CHRDL1: variants seen among roughly 807,000 people sequenced by gnomAD.
The protein encoded by CHRDL1 is chordin like 1.
In CHRDL1, 19 loss-of-function variants were observed where a neutral mutation model predicts 40.9. The ratio of observed to expected loss-of-function variants is 0.46; its 90% CI spans 0.32 to 0.68. The LOEUF is 0.68. CHRDL1 is among the 30% of genes least tolerant of loss of function. CHRDL1 has a pLI of 0.03. For synonymous variants in CHRDL1, 136 were observed against 123.4 expected (o/e 1.10, Z -0.68); for missense variants, 329 against 352.1 (o/e 0.93, Z 0.53).
At chrX:110,681,346 A>G (rs1247296157) in intron 10 of CHRDL1, 136 bp downstream of exon 10, 3 of 512,854 alleles carry the variant, frequency 5.8e-6, no homozygotes, top group Non-Finnish European at 1.0e-5. Flanking sequence ...ATAGTGTTAG[A>G]TATGTCAGTT....
chrX:110,745,049 C>T (rs1383231628), intron 4 of CHRDL1, among the ~76,000 whole-genome samples: 1 of 110,821 alleles, frequency 9.0e-6, no homozygotes, highest in African/African-American at 3.3e-5. Context: ...CACACGCTTA[C>T]ATACACTTAC....
intron 4 of CHRDL1, among the ~76,000 whole-genome samples, chrX:110,736,020 GCTTCAGAAAGTGGTC>G (rs2071257693): frequency 8.9e-6 from 1 of 112,185 alleles, no homozygotes; most frequent in African/African-American, 3.2e-5. Context: ...TTAGCAGCTG[GCTTCAGAAAGTGGTC>G]CCTGGAGGCC....
In CHRDL1 at chrX:110,792,515, A is replaced by T. The variant is rs766317568; in HGVS notation, c.-34-300T>A. 4.0e-4 allele frequency among the ~76,000 whole-genome samples: 45 copies of T among 112,366 alleles called. 1 individual carries two copies. Among genetic ancestry groups the T allele is most frequent in the Non-Finnish European group, 4.9e-4 (26 of 53,312 alleles). ...AAATCTTCCTTTCTAAGGGAATTAAAGTTGATTTCTCAAGAGATTTTTTTG... is the reference window on the plus strand; with the variant it reads ...AAATCTTCCTTTCTAAGGGAATTAATGTTGATTTCTCAAGAGATTTTTTTG... On this transcript the variant is annotated intron_variant, in intron 1 of 11. Coordinates refer to ENST00000372042, the MANE Select transcript of CHRDL1 (RefSeq NM_001143981.2).
In CHRDL1 at chrX:110,679,407, T is replaced by C. The variant is rs1368037183; in HGVS notation, c.1175A>G (p.His392Arg). ...TIRKGILQHFHIEKISKRMFE... is the reference protein window; with the variant it reads ...TIRKGILQHFRIEKISKRMFE... ...CATCCTCTTGGAGATCTTCTCAATA[T>C]GGAAGTGCTGGAGAATGCCTAGGGC... The change falls in exon 11 of 12, where the codon CAT becomes CGT. Residue 392 changes from histidine (H) to arginine (R), a missense_variant. By Grantham distance (29) the His-to-Arg change is conservative. Transcript: ENST00000372042. 4.2e-6 allele frequency: 5 copies of C among 1,203,911 alleles called. No homozygotes were observed. Among genetic ancestry groups the C allele is most frequent in the Non-Finnish European group, 3.4e-6 (3 of 888,455 alleles).
intron 4 of CHRDL1, among the ~76,000 whole-genome samples, chrX:110,747,612 A>G (rs1427399315): frequency 8.9e-6 from 1 of 112,205 alleles, no homozygotes; most frequent in Non-Finnish European, 1.9e-5. Context: ...ATCCCACTTT[A>G]TATTATACTG....
chrX:110,676,188 T>C lies in CHRDL1; in HGVS notation c.*43A>G, dbSNP rs757028625. 3.4e-6 allele frequency: 4 copies of C among 1,173,964 alleles called. No individual in the cohort carries two copies. The South Asian group carries it at 7.6e-5, about 22-fold the overall frequency. The stretch of plus-strand genomic sequence containing the variant: ...AATAAGCCTGCAGTCCAGCTGCAGC[T>C]TGAGTTTTCTTGCTTTACCCTATCC... On this transcript the variant is annotated 3_prime_UTR_variant, in exon 12 of 12. Transcript: ENST00000372042.
At chrX:110,762,497 G>A (rs185625980) in intron 3 of CHRDL1, among the ~76,000 whole-genome samples, 198 bp downstream of exon 3, 1 of 111,662 alleles carries the variant, frequency 9.0e-6, no homozygotes, top group East Asian at 2.8e-4. Context: ...TGCTGGTCTA[G>A]AACTCCCGGG....
At chrX:110,746,797 G>T (rs748029785) in intron 4 of CHRDL1, among the ~76,000 whole-genome samples, 31 of 111,338 alleles carry the variant, frequency 2.8e-4, no homozygotes, top group Non-Finnish European at 5.5e-4. Context: ...GGGGACCCAG[G>T]ATTTAAATAC....
chrX:110,783,049 C>T (rs1294662308), intron 2 of CHRDL1, among the ~76,000 whole-genome samples: 1 of 112,559 alleles, frequency 8.9e-6, no homozygotes, highest in Non-Finnish European at 1.9e-5. Flanking sequence ...TGAATGGTCA[C>T]GCCATTAGTG....
At chrX:110,749,136 T>C (rs1328276629) in intron 4 of CHRDL1, among the ~76,000 whole-genome samples, 1 of 111,470 alleles carries the variant, frequency 9.0e-6, no homozygotes, top group Non-Finnish European at 1.9e-5. Flanking sequence ...TCTATTAAAA[T>C]AATAAAAGAA....
chrX:110,714,071 G>C (rs2070793917), intron 6 of CHRDL1, among the ~76,000 whole-genome samples: 1 of 110,555 alleles, frequency 9.0e-6, no homozygotes, highest in East Asian at 2.8e-4. Context: ...TTTATTTTAG[G>C]TTTGAGGATA....
chrX:110,695,176 A>G (rs2070361692), intron 7 of CHRDL1, among the ~76,000 whole-genome samples: 1 of 111,618 alleles, frequency 9.0e-6, no homozygotes, highest in African/African-American at 3.3e-5. Flanking sequence ...AAAGACAGGT[A>G]ATGGCATAAG....
chrX:110,765,961 C>A (rs950666818), intron 2 of CHRDL1, among the ~76,000 whole-genome samples: 1 of 111,586 alleles, frequency 9.0e-6, no homozygotes, highest in African/African-American at 3.3e-5. Flanking sequence ...AAACAAGCCT[C>A]AATAAATTTA....
At chrX:110,699,764 A>G (rs2070473322) in intron 7 of CHRDL1, among the ~76,000 whole-genome samples, 1 of 112,557 alleles carries the variant, frequency 8.9e-6, no homozygotes, top group Non-Finnish European at 1.9e-5. Context: ...GATGTACCGT[A>G]TTCTTTTAAC....
intron 4 of CHRDL1, among the ~76,000 whole-genome samples, chrX:110,724,329 AG>A (rs1356153393): frequency 8.9e-6 from 1 of 112,131 alleles, no homozygotes; most frequent in Admixed American, 9.4e-5. Flanking sequence ...AATGATCTTG[AG>A]AATCTTCCTT....
At chrX:110,726,170 G>A (rs535135151) in intron 4 of CHRDL1, among the ~76,000 whole-genome samples, 102 of 111,478 alleles carry the variant, frequency 9.1e-4, no homozygotes, top group Middle Eastern at 4.6e-3. Flanking sequence ...GGTCTCTGGG[G>A]TCTGCAAACA....
intron 2 of CHRDL1, among the ~76,000 whole-genome samples, chrX:110,789,261 A>G (rs1430116947): frequency 8.9e-6 from 1 of 111,925 alleles, no homozygotes; most frequent in Admixed American, 9.5e-5. Context: ...TTCTCCTATT[A>G]AAATGGCCCC....
At chrX:110,767,418 A>G (rs1479196440) in intron 2 of CHRDL1, among the ~76,000 whole-genome samples, 1 of 110,249 alleles carries the variant, frequency 9.1e-6, no homozygotes, top group Non-Finnish European at 1.9e-5. Flanking sequence ...TTTGCTGACA[A>G]TATGATCGTT....
intron 2 of CHRDL1, among the ~76,000 whole-genome samples, chrX:110,772,935 T>G (rs924324673): frequency 1.8e-5 from 2 of 112,597 alleles, no homozygotes; most frequent in East Asian, 5.6e-4. Context: ...TAAAACCTAA[T>G]TTTTTAAAAC....
Sources: allele counts gnomAD v4.1 joint callset (sites outside exome capture counted in the v4.1 genomes callset), GRCh38; gene constraint gnomAD v4.1.1; transcripts MANE v1.5; gene names NCBI Gene and HGNC (gene_info 2026-07-23, HGNC 2026-07-21).